PARP9: variants seen among roughly 807,000 people sequenced by gnomAD.
PARP9 encodes the protein poly(ADP-ribose) polymerase family member 9, also known as protein mono-ADP-ribosyltransferase PARP9.
PARP9 carries 48 observed loss-of-function variants against 68.8 expected under a neutral mutation model. The observed-to-expected ratio is 0.70, with a 90% CI of 0.55 to 0.89. The LOEUF (loss-of-function observed/expected upper bound fraction) is 0.89. PARP9 is among the 40% of genes least tolerant of loss of function. The probability of loss-of-function intolerance (pLI) is 0.00; values close to 1 mark genes in which losing one functional copy is unlikely to be tolerated. For synonymous variants in PARP9, 309 were observed against 333.8 expected (o/e 0.93, Z 0.81); for missense variants, 806 against 969.3 (o/e 0.83, Z 2.24).
At position 122,529,811 on chromosome 3, in the gene PARP9, T is replaced by C. The variant is rs1272027031; in HGVS notation, c.2081-1068A>G. Among the ~76,000 whole-genome samples, 4 of 151,494 alleles carry C rather than the reference T, an allele frequency of 2.6e-5. No individual in the cohort carries two copies. In the East Asian group the frequency reaches 7.8e-4, roughly 29 times the overall value. On this transcript the variant is annotated intron_variant, in intron 10 of 10. Transcript: ENST00000682323. ...TTCTACATGCTACAAATAGGGATAT[T>C]TCCAGAACTCTCAAGAAGATGGTTT... is the stretch of plus-strand genomic sequence containing the variant.
chr3:122,558,455 C>T lies in PARP9; in HGVS notation c.28G>A (p.Ala10Thr). Residue 10 changes from alanine (A) to threonine (T), a missense_variant, in exon 3 of 11, where the codon GCA becomes ACA. Physicochemically the swap from Ala to Thr is moderately conservative, Grantham distance 58. This residue lies in a region of PARP9 where 126 missense variants were observed against 110.5 expected (regional missense o/e 1.14). Transcript: ENST00000682323. MDFSMVAGAAAYNEKSETGA... is the reference protein window; with the variant it reads MDFSMVAGATAYNEKSETGA... ...CTACCTGATTTTTCATTGTAAGCTG[C>T]TGCTCCGGCCACCTGTGAAAAATGA... 6.2e-7 allele frequency: 1 copy of T among 1,613,972 alleles called. No homozygotes were observed. Among genetic ancestry groups the T allele is most frequent in the Non-Finnish European group, 8.5e-7 (1 of 1,179,922 alleles).
rs769213282 is a variant in PARP9 at position 122,550,799 on chromosome 3, A to G, written c.1111T>C (p.Leu371=). ...AAACACTCCTTCATTGCATGTTTTA[A>G]TATCTGCAGGAAAACACAAATTTAA... is the stretch of plus-strand genomic sequence containing the variant. ...WHSEFPKPQI[L]KHAMKECLEK... Residue 371 remains leucine, a synonymous_variant, in exon 6 of 11, where the codon TTA becomes CTA. Coordinates refer to ENST00000682323, the MANE Select transcript of PARP9 (RefSeq NM_001146105.2). 2.5e-6 allele frequency: 4 copies of G among 1,612,522 alleles called. No homozygotes were observed. The highest frequency in any genetic ancestry group is 3.3e-5 in the Admixed American group (2 of 59,976).
At chr3:122,529,932 T>C (rs1451373662) in intron 10 of PARP9, among the ~76,000 whole-genome samples, 1 of 151,962 alleles carries the variant, frequency 6.6e-6, no homozygotes, top group African/African-American at 2.4e-5. Flanking sequence ...GGTACACACC[T>C]GTAATCCCAG....
chr3:122,552,577 T>C lies in PARP9; in HGVS notation c.948A>G (p.Ser316=), dbSNP rs141553852. ...HDITVGPVAK[S]ILQQAGVEMK... is the part of the protein sequence containing the mutation. ...TTTCAACTCCTGCTTGTTGTAGAATTGACTTTGCCACAGGTCCAACTGTAA... is the reference window on the plus strand; with the variant it reads ...TTTCAACTCCTGCTTGTTGTAGAATCGACTTTGCCACAGGTCCAACTGTAA... Residue 316 remains serine (S), a synonymous_variant, in exon 5 of 11, where the codon TCA becomes TCG. Transcript: ENST00000682323. 96 of 1,614,140 alleles carry C rather than the reference T, an allele frequency of 5.9e-5. No homozygotes were observed. The African/African-American group carries it at 1.2e-3, about 21-fold the overall frequency.
chr3:122,534,508 C>T, intron 10 of PARP9: 1 of 889,374 alleles, frequency 1.1e-6, no homozygotes. Flanking sequence ...TGAGAGTTTT[C>T]ATTGCAGTTT....
At position 122,539,507 on chromosome 3, in the gene PARP9, A is replaced by ATTCCTTTCTTTCTTTCTTTC. The variant is rs1553714534; in HGVS notation, c.1765+964_1765+965insGAAAGAAAGAAAGAAAGGAA. Among the ~76,000 whole-genome samples the ATTCCTTTCTTTCTTTCTTTC allele has an allele frequency of 5.0e-4, 66 of 133,234 alleles. 2 individuals are homozygous for ATTCCTTTCTTTCTTTCTTTC. Among genetic ancestry groups the ATTCCTTTCTTTCTTTCTTTC allele is most frequent in the East Asian group, 4.1e-3 (19 of 4,590 alleles). The allele number at this position is 133,234 out of a possible 152,430, so 87.4% of individuals were successfully genotyped here. ...CTCTATCTCTATCTCCCAAGATGGC[A>ATTCCTTTCTTTCTTTCTTTC]TTTCTTTCTTTCTTTCTTTCTTTCT... On this transcript the variant is annotated intron_variant, in intron 8 of 10. Transcript: ENST00000682323.
chr3:122,534,328 T>C (rs1434166118), intron 10 of PARP9: 1 of 984,944 alleles, frequency 1.0e-6, no homozygotes, highest in Non-Finnish European at 1.2e-6. Flanking sequence ...TGATAGGCAA[T>C]GAACCTGGAA....
At chr3:122,548,120 G>A (rs916065874) in intron 6 of PARP9, among the ~76,000 whole-genome samples, 1 of 152,180 alleles carries the variant, frequency 6.6e-6, no homozygotes, top group Non-Finnish European at 1.5e-5. Context: ...TGTTTTCAGT[G>A]ATGTCATATC....
chr3:122,552,819 T>C (rs1303937832), intron 4 of PARP9, among the ~76,000 whole-genome samples, 180 bp from the exon 5 acceptor site: 1 of 152,158 alleles, frequency 6.6e-6, no homozygotes, highest in African/African-American at 2.4e-5. Context: ...TTGATTGCCA[T>C]GAACGAAGCT....
chr3:122,555,404 G>A lies in PARP9; in HGVS notation c.767C>T (p.Ala256Val). Residue 256 changes from alanine (A) to valine (V), a missense_variant, in exon 4 of 11, where the codon GCT becomes GTT. By Grantham distance (64) the Ala-to-Val change is moderately conservative. Coordinates refer to ENST00000682323, the MANE Select transcript of PARP9 (RefSeq NM_001146105.2). The part of the protein sequence containing the change: ...EDPTVAAFKA[A>V]SEFILGKSEL... ...ACTCTTCCCTAGGATGAATTCTGAA[G>A]CAGCTTTAAAGGCAGCAACAGTAGG... is the stretch of plus-strand genomic sequence containing the variant. 2 of 1,614,090 alleles carry A rather than the reference G, an allele frequency of 1.2e-6. No homozygotes were observed. The highest frequency in any genetic ancestry group is 2.2e-5 in the South Asian group (2 of 91,080).
intron 10 of PARP9, chr3:122,534,990 T>G: frequency 1.0e-6 from 1 of 981,774 alleles, no homozygotes; most frequent in Non-Finnish European, 1.2e-6. Context: ...TTAGATGTTT[T>G]AGTAAGAAAG....
chr3:122,557,116 A>G (rs2079759338), intron 3 of PARP9, among the ~76,000 whole-genome samples: 1 of 151,928 alleles, frequency 6.6e-6, no homozygotes, highest in Non-Finnish European at 1.5e-5. Context: ...TATACCTGTT[A>G]TCAATTGATG....
intron 1 of PARP9, among the ~76,000 whole-genome samples, chr3:122,563,234 C>T (rs1323225751): frequency 2.0e-5 from 3 of 152,186 alleles, no homozygotes; most frequent in African/African-American, 7.2e-5. Context: ...AGGCTTTTCA[C>T]CATCTAAATA....
intron 10 of PARP9, 64 bp downstream of exon 10, chr3:122,536,104 A>G: frequency 6.2e-7 from 1 of 1,611,302 alleles, no homozygotes; most frequent in Admixed American, 1.7e-5. Context: ...CAGTGGAAGA[A>G]TCTACTGATG....
chr3:122,552,332 T>G, intron 5 of PARP9, 86 bp downstream of exon 5: 1 of 1,001,352 alleles, frequency 1.0e-6, no homozygotes, highest in South Asian at 1.7e-5. Flanking sequence ...ATTTCATGAA[T>G]GTAATGAAAT....
rs747483206 is a variant in PARP9 at position 122,552,400 on chromosome 3, C to T, written c.1107+18G>A. On this transcript the variant is annotated intron_variant, in intron 5 of 10. Coordinates refer to ENST00000682323, the MANE Select transcript of PARP9 (RefSeq NM_001146105.2). Reference sequence around the variant, plus strand: ...TAGACTATGGAGCTAAATAAAGCCACATTTATTTTAAACTTACCTGAGGTT... The same window carrying T: ...TAGACTATGGAGCTAAATAAAGCCATATTTATTTTAAACTTACCTGAGGTT... 6.4e-7 allele frequency: 1 copy of T among 1,555,838 alleles called. No individual in the cohort carries two copies. The highest frequency in any genetic ancestry group is 8.8e-7 in the Non-Finnish European group (1 of 1,131,102).
At chr3:122,528,828 T>C (rs2077098323) in intron 10 of PARP9, 85 bp from the exon 11 acceptor site, 3 of 1,254,186 alleles carry the variant, frequency 2.4e-6, no homozygotes, top group African/African-American at 1.5e-5. Context: ...CTATTCTTTC[T>C]TTAGTCTTCC....
intron 3 of PARP9, among the ~76,000 whole-genome samples, chr3:122,556,932 T>C (rs1182862738): frequency 6.6e-6 from 1 of 152,156 alleles, no homozygotes; most frequent in Non-Finnish European, 1.5e-5. Context: ...TCCTCCCACC[T>C]CAGCCTCCTG....
chr3:122,558,398 C>T (rs745387273), intron 3 of PARP9, 36 bp downstream of exon 3: 2 of 1,614,146 alleles, frequency 1.2e-6, no homozygotes, highest in Non-Finnish European at 1.7e-6. Flanking sequence ...TGAGCAAAGA[C>T]TTTCTGAAAC....
Sources: gnomAD v4.1 joint callset for allele counts (sites outside exome capture counted in the v4.1 genomes callset) on GRCh38, gnomAD v4.1.1 for gene constraint, gnomAD v4.1.1 regional missense constraint, MANE v1.5 for transcripts, NCBI Gene and HGNC (gene_info 2026-07-23, HGNC 2026-07-21) for gene names.